Variants in NPHS1 observed in about 807,000 individuals in gnomAD.
The protein encoded by NPHS1 is NPHS1 adhesion molecule, nephrin.
NPHS1 carries 107 observed loss-of-function variants against 139.7 expected under a neutral mutation model. The observed-to-expected ratio is 0.77, with a 90% CI of 0.66 to 0.90. The LOEUF is 0.90. Among genes scored for constraint, NPHS1 ranks in the 40% least tolerant of loss-of-function variants. The probability of loss-of-function intolerance (pLI) is 0.00; values close to 1 mark genes in which losing one functional copy is unlikely to be tolerated. For synonymous variants in NPHS1, 707 were observed against 706.6 expected, an observed-to-expected ratio of 1.00 and a Z score of -0.01; for missense variants, 1,580 against 1,654.2, an observed-to-expected ratio of 0.96 and a Z score of 0.78.
intron 23 of NPHS1, among the ~76,000 whole-genome samples, chr19:35,832,536 C>T (rs1372934967): frequency 2.6e-5 from 3 of 113,418 alleles, no homozygotes; most frequent in African/African-American, 9.1e-5. Flanking sequence ...AGAGCAAGAC[C>T]CTGCCTCTGA....
At position 35,841,847 on chromosome 19, in the gene NPHS1, G is replaced by A; in HGVS notation, c.2683C>T (p.His895Tyr). ...AGGCTGCTGTGGACACCACCCTGGT[G>A]GTATGTGTGCTCCGTGTACCTAGAG... ...QDPRYTEHTY[H>Y]QGGVHSSLLT... Residue 895 changes from histidine to tyrosine, a missense_variant, in exon 20 of 29, where the codon CAC becomes TAC. His to Tyr is a moderately conservative substitution (Grantham distance 83, BLOSUM62 2). Transcript: ENST00000378910. 1 of 1,612,892 alleles carries A rather than the reference G, an allele frequency of 6.2e-7. No homozygotes were observed. Among genetic ancestry groups the A allele is most frequent in the Non-Finnish European group, 8.5e-7 (1 of 1,179,470 alleles).
rs1319187437 is a variant in NPHS1, at chr19:35,852,092, T to C, written c.-255A>G. Among the ~76,000 whole-genome samples, 1 of 145,710 alleles carries C rather than the reference T, an allele frequency of 6.9e-6. No homozygotes were observed. Among genetic ancestry groups the C allele is most frequent in the Non-Finnish European group, 1.5e-5 (1 of 67,698 alleles). Reference sequence around the variant, plus strand: ...AAACTTTTTTTTCTTTTTTCTTTTTTTTTTCTTTTTTTTTTTTTTAGAGAC... The same window carrying C: ...AAACTTTTTTTTCTTTTTTCTTTTTCTTTTCTTTTTTTTTTTTTTAGAGAC... On this transcript the variant is annotated 5_prime_UTR_variant, in exon 1 of 29. Coordinates refer to ENST00000378910, the MANE Select transcript of NPHS1 (RefSeq NM_004646.4).
chr19:35,851,164 C>T, intron 3 of NPHS1, 75 bp from the exon 4 acceptor site: 7 of 1,613,470 alleles, frequency 4.3e-6, no homozygotes, highest in Non-Finnish European at 5.9e-6. Flanking sequence ...TACCCAGAGT[C>T]TGGGAGAGGA....
At chr19:35,841,555 T>A (rs935523880) in intron 20 of NPHS1, among the ~76,000 whole-genome samples, 160 bp downstream of exon 20, 1 of 152,142 alleles carries the variant, frequency 6.6e-6, no homozygotes, top group East Asian at 1.9e-4. Context: ...TTCCTGAAGA[T>A]CCAGTCTCCA....
Position 35,848,844 on chromosome 19 carries a change from AC to A in NPHS1, c.1013-51del, listed in dbSNP as rs764656371. Reference sequence around the variant, plus strand: ...CTAAGCTGGGCTGGATTTCTCACAGACCAGCCCAGACAGAACAGGACTGGAG... The same window carrying A: ...CTAAGCTGGGCTGGATTTCTCACAGACAGCCCAGACAGAACAGGACTGGAG... On this transcript the variant is annotated intron_variant, in intron 8 of 28. Transcript: ENST00000378910. 1.7e-5 allele frequency: 27 copies of A among 1,612,262 alleles called. No homozygotes were observed. In the South Asian group the frequency reaches 2.9e-4, roughly 17 times the overall value.
rs1438574164 is a variant in NPHS1, at chr19:35,826,582, C to T, written c.3658G>A (p.Val1220Met). 1.2e-6 allele frequency: 2 copies of T among 1,614,034 alleles called. No individual in the cohort carries two copies. The highest frequency in any genetic ancestry group is 1.7e-6 in the Non-Finnish European group (2 of 1,180,000). Reference protein sequence around the residue: ...YQDPRGIYDQVAGDLDTLEPD... With the variant: ...YQDPRGIYDQMAGDLDTLEPD... ...TCCAGAGTGTCCAAGTCTCCGGCCACCTGGTCATAGATTCCTCTTGGATCC... is the reference window on the plus strand; with the variant it reads ...TCCAGAGTGTCCAAGTCTCCGGCCATCTGGTCATAGATTCCTCTTGGATCC... The change falls in exon 29 of 29, where the codon GTG (valine) becomes ATG (methionine). Residue 1220 changes from valine to methionine, a missense_variant. Transcript: ENST00000378910.
chr19:35,828,326 C>A (rs777051560), intron 28 of NPHS1, among the ~76,000 whole-genome samples: 6 of 151,808 alleles, frequency 4.0e-5, no homozygotes, highest in Non-Finnish European at 7.4e-5. Flanking sequence ...AGTGCAGTGG[C>A]GCAATCTTGG....
chr19:35,834,526 T>C (rs1972927558), intron 23 of NPHS1, among the ~76,000 whole-genome samples: 1 of 152,028 alleles, frequency 6.6e-6, no homozygotes, highest in Admixed American at 6.6e-5. Flanking sequence ...TGGAGTGAGC[T>C]AATTCTTACG....
intron 23 of NPHS1, among the ~76,000 whole-genome samples, chr19:35,834,135 C>T (rs1205434428): frequency 6.6e-6 from 1 of 152,190 alleles, no homozygotes; most frequent in East Asian, 1.9e-4. Flanking sequence ...AGTGCGGGGC[C>T]TTTCCACACT....
At chr19:35,828,705 T>A (rs1318105467) in intron 28 of NPHS1, among the ~76,000 whole-genome samples, 1 of 152,248 alleles carries the variant, frequency 6.6e-6, no homozygotes, top group Non-Finnish European at 1.5e-5. Context: ...TTATGCATCG[T>A]CTATGGCTGC....
chr19:35,850,917 G>A (rs1973235252), intron 4 of NPHS1, 44 bp downstream of exon 4: 7 of 1,611,502 alleles, frequency 4.3e-6, no homozygotes, highest in East Asian at 2.2e-5. Flanking sequence ...TCCCACTCCA[G>A]AGGCTTCATG....
In NPHS1 at chr19:35,830,867, G is replaced by C. The variant is rs777718780; in HGVS notation, c.3571C>G (p.Pro1191Ala). The C allele has an allele frequency of 1.1e-5, 17 of 1,611,272 alleles. No individual in the cohort carries two copies. The highest frequency in any genetic ancestry group is 5.0e-5 in the Admixed American group (3 of 59,992). The change falls in exon 28 of 29, where the codon CCC becomes GCC. Residue 1191 changes from proline (P) to alanine (A), a missense_variant. Pro to Ala is a conservative substitution (Grantham distance 27, BLOSUM62 -1). Transcript: ENST00000378910. The part of the protein sequence containing the change: ...RTYPPSGAWG[P>A]LYDEVQMGPW... ...ACCATCTGCACTTCATCGTAGAGGG[G>C]TCCCCAGGCTCCAGACGGGGGGTAC... is the stretch of plus-strand genomic sequence containing the variant.
chr19:35,844,028 C>T lies in NPHS1; in HGVS notation c.2212+75G>A, dbSNP rs530737910. 5 of 1,562,210 alleles carry T rather than the reference C, an allele frequency of 3.2e-6. No individual in the cohort carries two copies. In the African/African-American group the frequency reaches 5.4e-5, roughly 17 times the overall value. ...GGTGGCTATCCCTGGGTGGGCGGAG[C>T]TCCCACAATGAGGAGACTCCACAAT... is the stretch of plus-strand genomic sequence containing the variant. On this transcript the variant is annotated intron_variant, in intron 16 of 28. Coordinates refer to ENST00000378910, the MANE Select transcript of NPHS1 (RefSeq NM_004646.4).
rs759948916 is a variant in NPHS1, at chr19:35,849,585, G to A, written c.677C>T (p.Ala226Val). ...CACGGTGAATGAGGCCTTGATGGGG[G>A]CCTCCAGTGCTGGGCTAGACGCCTC... Reference protein sequence around the residue: ...VCEASSPALEAPIKASFTVNV... With the variant: ...VCEASSPALEVPIKASFTVNV... Residue 226 changes from alanine (A) to valine (V), a missense_variant, in exon 6 of 29, where the codon GCC (alanine) becomes GTC (valine). Ala to Val is a moderately conservative substitution (Grantham distance 64, BLOSUM62 0). Coordinates refer to ENST00000378910, the MANE Select transcript of NPHS1 (RefSeq NM_004646.4). 6.2e-7 allele frequency: 1 copy of A among 1,613,950 alleles called. No individual in the cohort carries two copies. Among genetic ancestry groups the A allele is most frequent in the African/African-American group, 1.3e-5 (1 of 74,916 alleles).
At chr19:35,835,653 G>T in intron 23 of NPHS1, 52 bp downstream of exon 23, 1 of 1,494,928 alleles carries the variant, frequency 6.7e-7, no homozygotes, top group Non-Finnish European at 9.3e-7. Flanking sequence ...TCAGAGACCA[G>T]GAGGTTCCAT....
Position 35,845,821 on chromosome 19 carries a change from C to A in NPHS1, c.1628-23G>T. 6.2e-7 allele frequency: 1 copy of A among 1,609,146 alleles called. No individual in the cohort carries two copies. The highest frequency in any genetic ancestry group is 8.5e-7 in the Non-Finnish European group (1 of 1,176,792). ...GAACTGGGAGACGGGGTTGGAGGAG[C>A]GAGACTCAGAGGTTAGGGGCGGCCT... is the stretch of plus-strand genomic sequence containing the variant. On this transcript the variant is annotated intron_variant, in intron 12 of 28. Transcript: ENST00000378910. The surrounding 1 kb of genome is among the most constrained non-coding windows in gnomAD (Gnocchi z 5.5).
At chr19:35,832,723 C>T (rs1216939409) in intron 23 of NPHS1, among the ~76,000 whole-genome samples, 4 of 151,404 alleles carry the variant, frequency 2.6e-5, no homozygotes, top group Non-Finnish European at 5.9e-5. Flanking sequence ...CCTGTCTCTA[C>T]TAAAATACAA....
In NPHS1 at chr19:35,845,227, G is replaced by T; in HGVS notation, c.1930+141C>A. On this transcript the variant is annotated intron_variant, in intron 14 of 28. Coordinates refer to ENST00000378910, the MANE Select transcript of NPHS1 (RefSeq NM_004646.4). The surrounding 1 kb of genome is among the most constrained non-coding windows in gnomAD (Gnocchi z 5.5). ...GGAGACTGCAGTGACCTATGATTGC[G>T]TCACTGCATTGCAGCCTGAGCGACA... The T allele has an allele frequency of 1.1e-6, 1 of 923,286 alleles. No homozygotes were observed. Among genetic ancestry groups the T allele is most frequent in the South Asian group, 1.5e-5 (1 of 68,340 alleles). 57.2% of individuals were successfully genotyped at this position (923,286 alleles called of 1,614,324 possible). A position where few individuals can be genotyped will look rare whatever the true frequency, so the allele number is the denominator to read the frequency against.
chr19:35,851,909 T>C lies in NPHS1; in HGVS notation c.-72A>G. The C allele has an allele frequency of 1.5e-6, 2 of 1,351,308 alleles. No individual in the cohort carries two copies. Among genetic ancestry groups the C allele is most frequent in the South Asian group, 1.3e-5 (1 of 79,960 alleles). 83.7% of individuals were successfully genotyped at this position (1,351,308 alleles called of 1,614,324 possible). A position where few individuals can be genotyped will look rare whatever the true frequency, so the allele number is the denominator to read the frequency against. The stretch of plus-strand genomic sequence containing the variant: ...CTGCGTCTGTCTGGCTTTCTCTGGG[T>C]CCCTCTCTGTGTGTCTCTGCCACCT... On this transcript the variant is annotated 5_prime_UTR_variant, in exon 1 of 29. Transcript: ENST00000378910.
Sources: gnomAD v4.1 joint callset for allele counts (sites outside exome capture counted in the v4.1 genomes callset) on GRCh38, gnomAD v4.1.1 for gene constraint, Gnocchi (gnomAD v3.1) non-coding constraint, MANE v1.5 for transcripts, NCBI Gene and HGNC (gene_info 2026-07-23, HGNC 2026-07-21) for gene names.